Variants in ELK3 observed in about 807,000 individuals in gnomAD.
The protein encoded by ELK3 is ETS domain-containing protein Elk-3.
In ELK3, 10 loss-of-function variants were observed where a neutral mutation model predicts 28.9. The observed-to-expected ratio is 0.35, with a 90% CI of 0.21 to 0.59. The LOEUF (loss-of-function observed/expected upper bound fraction) is 0.59. Ranked by LOEUF, ELK3 falls within the 20% of genes least tolerant of loss-of-function variation. The pLI, the probability that ELK3 is intolerant of heterozygous loss-of-function variation, is 0.82. For missense variants in ELK3, 463 were observed against 517.3 expected, an observed-to-expected ratio of 0.90 and a Z score of 1.02; for synonymous variants, 272 against 243.5, an observed-to-expected ratio of 1.12 and a Z score of -1.09.
At chr12:96,229,337 A>C (rs566747327) in intron 2 of ELK3, among the ~76,000 whole-genome samples, 1 of 152,274 alleles carries the variant, frequency 6.6e-6, no homozygotes, top group South Asian at 2.1e-4. Flanking sequence ...TCTGGAGGCC[A>C]GATGTCCAGA....
At chr12:96,249,438 G>A (rs1282475888) in intron 3 of ELK3, among the ~76,000 whole-genome samples, 1 of 152,178 alleles carries the variant, frequency 6.6e-6, no homozygotes, top group Non-Finnish European at 1.5e-5. Flanking sequence ...GAGCACGTGT[G>A]CTCTTAAATC....
At chr12:96,223,309 CGTG>C (rs1277530973) in intron 1 of ELK3, among the ~76,000 whole-genome samples, 4 of 152,124 alleles carry the variant, frequency 2.6e-5, no homozygotes, top group African/African-American at 9.7e-5. Context: ...CGCTGTCACT[CGTG>C]GGGACATGTG....
In ELK3 at chr12:96,267,263, G is replaced by C. The variant is rs769400373; in HGVS notation, c.*83G>C. 1 of 1,191,960 alleles carries C rather than the reference G, an allele frequency of 8.4e-7. No homozygotes were observed. The highest frequency in any genetic ancestry group is 2.5e-5 in the Admixed American group (1 of 39,612). 73.8% of individuals were successfully genotyped at this position (1,191,960 alleles called of 1,614,324 possible). A position where few individuals can be genotyped will look rare whatever the true frequency, so the allele number is the denominator to read the frequency against. On this transcript the variant is annotated 3_prime_UTR_variant, in exon 5 of 5. Transcript: ENST00000228741. ...GCTAGTTTACCTGTGTCGTGAGAAG[G>C]ACATTGTGAAACTCTTGTTAATTTG...
At chr12:96,215,330 G>C (rs536181631) in intron 1 of ELK3, among the ~76,000 whole-genome samples, 37 of 152,308 alleles carry the variant, frequency 2.4e-4, no homozygotes, top group Admixed American at 6.5e-4. Context: ...TAAGGGGTCT[G>C]TGCGGCCCTT....
At chr12:96,214,839 A>AC (rs1951599816) in intron 1 of ELK3, among the ~76,000 whole-genome samples, 1 of 152,060 alleles carries the variant, frequency 6.6e-6, no homozygotes, top group African/African-American at 2.4e-5. Context: ...CAGTTCTTTG[A>AC]CTGAGGTACA....
chr12:96,203,281 T>A (rs1374452709), intron 1 of ELK3, among the ~76,000 whole-genome samples: 1 of 152,212 alleles, frequency 6.6e-6, no homozygotes, highest in African/African-American at 2.4e-5. Flanking sequence ...CAAATAGATG[T>A]GATAGCATGG....
At chr12:96,212,493 G>T (rs1951584790) in intron 1 of ELK3, among the ~76,000 whole-genome samples, 1 of 152,160 alleles carries the variant, frequency 6.6e-6, no homozygotes, top group Non-Finnish European at 1.5e-5. Context: ...GACATGGTCT[G>T]CTGTTTTAAT....
rs569056023 is a variant in ELK3, at chr12:96,247,594, C to T, written c.862C>T (p.Pro288Ser). Residue 288 changes from proline (P) to serine (S), a missense_variant, in exon 3 of 5, where the codon CCC becomes TCC. Pro to Ser is a moderately conservative substitution (Grantham distance 74). Coordinates refer to ENST00000228741, the MANE Select transcript of ELK3 (RefSeq NM_005230.4). This position sits in a 1 kb window ranked among gnomAD's most constrained non-coding sequence, Gnocchi z 5.5. Reference protein sequence around the residue: ...SGSKTKSPSLPPKAKKPKGLE... With the variant: ...SGSKTKSPSLSPKAKKPKGLE... The stretch of plus-strand genomic sequence containing the variant: ...CTCCAAGACCAAGTCTCCATCTCTT[C>T]CCCCAAAGGCCAAAAAACCCAAAGG... 6.2e-7 allele frequency: 1 copy of T among 1,613,896 alleles called. No homozygotes were observed. Among genetic ancestry groups the T allele is most frequent in the Non-Finnish European group, 8.5e-7 (1 of 1,180,026 alleles).
intron 2 of ELK3, among the ~76,000 whole-genome samples, 176 bp from the exon 3 acceptor site, chr12:96,246,764 T>G (rs1951858846): frequency 6.6e-6 from 1 of 152,226 alleles, no homozygotes. Context: ...ATGGCAGAAC[T>G]GGAATGCACA....
chr12:96,226,783 C>T lies in ELK3; in HGVS notation c.207+3010C>T, dbSNP rs557919838. On this transcript the variant is annotated intron_variant, in intron 2 of 4. Coordinates refer to ENST00000228741, the MANE Select transcript of ELK3 (RefSeq NM_005230.4). ...GATGAGCAAGACGGAAAGTTAGACTCTTAATACAGTTTAAAAAGAAAAGAA... is the reference window on the plus strand; with the variant it reads ...GATGAGCAAGACGGAAAGTTAGACTTTTAATACAGTTTAAAAAGAAAAGAA... Among the ~76,000 whole-genome samples, 27 of 151,682 alleles carry T rather than the reference C, an allele frequency of 1.8e-4. No individual in the cohort carries two copies. In the South Asian group the frequency reaches 3.5e-3, roughly 20 times the overall value.
rs1477714044 is a variant in ELK3 at position 96,267,473 on chromosome 12, TTTCAGTATAACTAA to T, written c.*295_*308del. 1 of 256,146 alleles carries T rather than the reference TTTCAGTATAACTAA, an allele frequency of 3.9e-6. No individual in the cohort carries two copies. The highest frequency in any genetic ancestry group is 2.3e-5 in the African/African-American group (1 of 44,322). 15.9% of individuals were successfully genotyped at this position (256,146 alleles called of 1,614,324 possible). The stretch of plus-strand genomic sequence containing the variant: ...ACAGTGAAGAACTTTTCTTAATGGT[TTTCAGTATAACTAA>T]TAAGGATGTGAAGCTTTTTTCTCTT... On this transcript the variant is annotated 3_prime_UTR_variant, in exon 5 of 5. Coordinates refer to ENST00000228741, the MANE Select transcript of ELK3 (RefSeq NM_005230.4).
At chr12:96,246,326 A>G (rs545300088) in intron 2 of ELK3, among the ~76,000 whole-genome samples, 2 of 152,336 alleles carry the variant, frequency 1.3e-5, no homozygotes, top group African/African-American at 4.8e-5. Context: ...TTCAGATTGT[A>G]TGAGATAAGA....
intron 1 of ELK3, among the ~76,000 whole-genome samples, chr12:96,207,706 C>T (rs1951546949): frequency 6.6e-6 from 1 of 152,174 alleles, no homozygotes; most frequent in African/African-American, 2.4e-5. Flanking sequence ...TAACTCATAA[C>T]CATTTTTGCA....
At chr12:96,245,025 G>T (rs909408418) in intron 2 of ELK3, among the ~76,000 whole-genome samples, 5 of 152,158 alleles carry the variant, frequency 3.3e-5, no homozygotes, top group Non-Finnish European at 4.4e-5. Flanking sequence ...ATGCAGCAAG[G>T]TGGCCGCGGC....
chr12:96,249,266 G>A (rs757904342), intron 3 of ELK3, among the ~76,000 whole-genome samples: 2 of 152,186 alleles, frequency 1.3e-5, no homozygotes, highest in African/African-American at 2.4e-5. Context: ...CACGATGGCC[G>A]TCCATGGAGC....
intron 3 of ELK3, among the ~76,000 whole-genome samples, chr12:96,256,624 T>TA (rs1212459603): frequency 6.6e-6 from 1 of 152,160 alleles, no homozygotes; most frequent in Non-Finnish European, 1.5e-5. Flanking sequence ...GATGAGCAGA[T>TA]ACCTTAAAGG....
chr12:96,235,323 G>A (rs1951774467), intron 2 of ELK3, among the ~76,000 whole-genome samples: 1 of 151,658 alleles, frequency 6.6e-6, no homozygotes, highest in Non-Finnish European at 1.5e-5. Context: ...GCCTCACTTG[G>A]TGATGGCCGT....
In ELK3 at chr12:96,223,785, A is replaced by G. The variant is rs529931556; in HGVS notation, c.207+12A>G. On this transcript the variant is annotated intron_variant, in intron 2 of 4. Transcript: ENST00000228741. ...ACTATTATGACAAGGTAAACCCTTGACCTTGCATGGGGCCGTCTTGGGGAG... is the reference window on the plus strand; with the variant it reads ...ACTATTATGACAAGGTAAACCCTTGGCCTTGCATGGGGCCGTCTTGGGGAG... 6.2e-7 allele frequency: 1 copy of G among 1,613,516 alleles called. No individual in the cohort carries two copies. Among genetic ancestry groups the G allele is most frequent in the African/African-American group, 1.3e-5 (1 of 75,036 alleles).
At chr12:96,237,828 T>C (rs1951795449) in intron 2 of ELK3, among the ~76,000 whole-genome samples, 1 of 152,216 alleles carries the variant, frequency 6.6e-6, no homozygotes, top group Non-Finnish European at 1.5e-5. Context: ...AAAGAATGTT[T>C]GCTTGTCGGA....
Sources: gnomAD v4.1 joint callset for allele counts (sites outside exome capture counted in the v4.1 genomes callset) on GRCh38, gnomAD v4.1.1 for gene constraint, Gnocchi (gnomAD v3.1) non-coding constraint, MANE v1.5 for transcripts, NCBI Gene and HGNC (gene_info 2026-07-23, HGNC 2026-07-21) for gene names.